CREBRF: variants seen among roughly 807,000 people sequenced by gnomAD.
CREBRF encodes the protein CREB3 regulatory factor, also known as UPF0474 protein C5orf41.
A neutral mutation model predicts 66.1 loss-of-function variants in CREBRF; 5 were observed. The observed-to-expected ratio is 0.08, with a 90% CI of 0.04 to 0.16. The LOEUF (loss-of-function observed/expected upper bound fraction) is 0.16. CREBRF is among the 10% of genes least tolerant of loss of function. The pLI is 1.00. For synonymous variants in CREBRF, 229 were observed against 264.4 expected (o/e 0.87, Z 1.30); for missense variants, 531 against 744.9 (o/e 0.71, Z 3.34).
intron 8 of CREBRF, among the ~76,000 whole-genome samples, chr5:173,128,751 A>G (rs1238172628): frequency 1.3e-5 from 2 of 151,776 alleles, no homozygotes. Flanking sequence ...TTTTATTTTC[A>G]ATCCTTCTGA....
intron 1 of CREBRF, among the ~76,000 whole-genome samples, chr5:173,064,752 C>T (rs936734577): frequency 1.3e-5 from 2 of 151,832 alleles, no homozygotes; most frequent in Admixed American, 1.3e-4. Context: ...TTAGTAGAGT[C>T]GAGGTTTCTC....
At chr5:173,122,715 A>G (rs1759168144) in intron 7 of CREBRF, among the ~76,000 whole-genome samples, 2 of 144,310 alleles carry the variant, frequency 1.4e-5, no homozygotes, top group South Asian at 4.7e-4. Flanking sequence ...GTCATTTAGC[A>G]TTAGGTATAT....
Position 173,136,056 on chromosome 5 carries a change from GAA to G in CREBRF, c.*2314_*2315del, listed in dbSNP as rs978592028. On this transcript the variant is annotated 3_prime_UTR_variant, in exon 9 of 9. Transcript: ENST00000296953. ...CTTGACAGAGTGTGTCTGGTAAATT[GAA>G]AAGTGTTTCAAACTATGGCAGTTTT... The G allele has an allele frequency of 2.0e-5, 3 of 152,450 alleles. No individual in the cohort carries two copies. Among genetic ancestry groups the G allele is most frequent in the Admixed American group, 2.0e-4 (3 of 15,262 alleles). The allele number at this position is 152,450 out of a possible 1,614,324, so 9.4% of individuals were successfully genotyped here. A position where few individuals can be genotyped will look rare whatever the true frequency, so the allele number is the denominator to read the frequency against.
rs1758840665 is a variant in CREBRF at position 173,110,217 on chromosome 5, G to A, written c.1418-305G>A. The A allele has an allele frequency of 1.2e-5, 5 of 407,408 alleles. No homozygotes were observed. The Admixed American group carries it at 1.8e-4, about 14-fold the overall frequency. The allele number at this position is 407,408 out of a possible 1,614,324, so 25.2% of individuals were successfully genotyped here. Reference sequence around the variant, plus strand: ...TCATACTCATCCTGAGATTTGAGATGCTTAGTATGCCATGCAAATAATGAA... The same window carrying A: ...TCATACTCATCCTGAGATTTGAGATACTTAGTATGCCATGCAAATAATGAA... On this transcript the variant is annotated intron_variant, in intron 5 of 8. Coordinates refer to ENST00000296953, the MANE Select transcript of CREBRF (RefSeq NM_153607.3).
chr5:173,068,890 G>A (rs186905464), intron 1 of CREBRF, among the ~76,000 whole-genome samples: 33 of 151,482 alleles, frequency 2.2e-4, no homozygotes, highest in African/African-American at 6.5e-4. Flanking sequence ...GCAACATGGT[G>A]AAACCCCATC....
intron 7 of CREBRF, among the ~76,000 whole-genome samples, chr5:173,122,510 T>C (rs2113794281): frequency 6.6e-6 from 1 of 150,692 alleles, no homozygotes; most frequent in South Asian, 2.1e-4. Context: ...ACATTCTCCA[T>C]TTCTTTTTTT....
chr5:173,092,292 A>C, intron 4 of CREBRF: 1 of 979,804 alleles, frequency 1.0e-6, no homozygotes. Flanking sequence ...GTATTTTCCT[A>C]TTTAAGAAAA....
At chr5:173,088,222 C>T (rs1219959091) in intron 3 of CREBRF, among the ~76,000 whole-genome samples, 2 of 147,892 alleles carry the variant, frequency 1.4e-5, no homozygotes, top group African/African-American at 5.0e-5. Flanking sequence ...CTGGAGGCTC[C>T]AGGGCAGCCA....
chr5:173,117,013 C>G (rs1320802625), intron 7 of CREBRF, among the ~76,000 whole-genome samples: 3 of 151,986 alleles, frequency 2.0e-5, no homozygotes, highest in Admixed American at 2.0e-4. Flanking sequence ...ATTGGCTGTT[C>G]ATATGTTTTC....
At chr5:173,112,216 C>A in intron 6 of CREBRF, 90 bp from the exon 7 acceptor site, 4 of 855,900 alleles carry the variant, frequency 4.7e-6, no homozygotes, top group Admixed American at 3.0e-5. Flanking sequence ...GTAGCCTGGG[C>A]AACATAGCGA....
intron 4 of CREBRF, among the ~76,000 whole-genome samples, chr5:173,106,908 C>T (rs922985997): frequency 6.6e-6 from 1 of 152,120 alleles, no homozygotes; most frequent in South Asian, 2.1e-4. Flanking sequence ...CACCACCATG[C>T]CCGGCTAATT....
intron 2 of CREBRF, chr5:173,085,825 CTGTT>C (rs942832808): frequency 2.0e-5 from 16 of 781,994 alleles, no homozygotes; most frequent in Middle Eastern, 2.2e-4. Context: ...TGATAGGCTT[CTGTT>C]TGTTCTTGGC....
intron 2 of CREBRF, 129 bp from the exon 3 acceptor site, chr5:173,086,372 G>GA: frequency 1.2e-6 from 1 of 832,492 alleles, no homozygotes; most frequent in Non-Finnish European, 1.9e-6. Flanking sequence ...CTATACAGTA[G>GA]AAAAAAAGTA....
At chr5:173,093,908 A>G (rs1365534442) in intron 4 of CREBRF, among the ~76,000 whole-genome samples, 2 of 152,096 alleles carry the variant, frequency 1.3e-5, no homozygotes, top group Non-Finnish European at 2.9e-5. Flanking sequence ...TTTGGCCAAC[A>G]TCTTCCCATT....
At chr5:173,075,986 C>T (rs1345450321) in intron 1 of CREBRF, among the ~76,000 whole-genome samples, 3 of 144,712 alleles carry the variant, frequency 2.1e-5, no homozygotes, top group South Asian at 2.2e-4. Flanking sequence ...TTTGGGAGGC[C>T]GAGGCAGGAG....
chr5:173,127,713 C>T (rs1452877188), intron 8 of CREBRF, among the ~76,000 whole-genome samples: 1 of 152,160 alleles, frequency 6.6e-6, no homozygotes, highest in Non-Finnish European at 1.5e-5. Flanking sequence ...CCACCTCAGC[C>T]TCCCAAAGTG....
intron 1 of CREBRF, among the ~76,000 whole-genome samples, chr5:173,073,728 G>T (rs1211188467): frequency 6.6e-6 from 1 of 152,196 alleles, no homozygotes; most frequent in Non-Finnish European, 1.5e-5. Context: ...AGCACTTTGG[G>T]AGGCCGAGGC....
intron 4 of CREBRF, among the ~76,000 whole-genome samples, chr5:173,099,356 A>T (rs529544372): frequency 5.5e-4 from 84 of 152,118 alleles, no homozygotes; most frequent in African/African-American, 1.9e-3. Context: ...AGGTCTCCCT[A>T]TGTTGCCTAG....
intron 5 of CREBRF, chr5:173,110,147 G>A (rs1207327934): frequency 3.7e-5 from 10 of 272,880 alleles, no homozygotes; most frequent in African/African-American, 1.1e-4. Flanking sequence ...GCTCTCTTCC[G>A]ACTATGTATT....
Sources: allele counts gnomAD v4.1 joint callset (sites outside exome capture counted in the v4.1 genomes callset), GRCh38; gene constraint gnomAD v4.1.1; transcripts MANE v1.5; gene names NCBI Gene and HGNC (gene_info 2026-07-23, HGNC 2026-07-21).